The following PPP1R12B variants were observed in gnomAD, a reference collection of about 807,000 sequenced individuals.
The protein encoded by PPP1R12B is myosin phosphatase target subunit 2.
PPP1R12B carries 76 observed loss-of-function variants against 126.1 expected under a neutral mutation model. That is an observed-to-expected ratio of 0.60 (90% CI 0.50 to 0.73). The LOEUF is 0.73. Ranked by LOEUF, PPP1R12B falls within the 30% of genes least tolerant of loss-of-function variation. PPP1R12B has a pLI of 0.00. For synonymous variants in PPP1R12B, 356 were observed against 434.7 expected, an observed-to-expected ratio of 0.82 and a Z score of 2.25; for missense variants, 1,052 against 1,205.1, an observed-to-expected ratio of 0.87 and a Z score of 1.88.
At chr1:202,389,806 A>G (rs1394555224) in intron 1 of PPP1R12B, among the ~76,000 whole-genome samples, 1 of 150,294 alleles carries the variant, frequency 6.7e-6, no homozygotes. Context: ...GCACGCTTGC[A>G]GTCCCAGCTA....
chr1:202,354,985 G>A (rs1051178969), intron 1 of PPP1R12B, among the ~76,000 whole-genome samples: 9 of 151,912 alleles, frequency 5.9e-5, no homozygotes, highest in African/African-American at 4.8e-5. Flanking sequence ...GCCACCATGC[G>A]CAGCTAATTT....
Position 202,431,486 on chromosome 1 carries a change from G to C in PPP1R12B, c.1008G>C (p.Glu336Asp). ...GTTGTCATCTTTAATTTAGCAAAGA[G>C]AAGATGCTCTATGAGGAGGAGACAC... Reference protein sequence around the residue: ...KIQSGFFKNKEKMLYEEETPK... With the variant: ...KIQSGFFKNKDKMLYEEETPK... Residue 336 changes from glutamate (E) to aspartate (D), a missense_variant, in exon 8 of 24, where the codon GAG (glutamate) becomes GAC (aspartate). Coordinates refer to ENST00000608999, the MANE Select transcript of PPP1R12B (RefSeq NM_002481.4). 15 of 1,593,222 alleles carry C rather than the reference G, an allele frequency of 9.4e-6. No homozygotes were observed. Among genetic ancestry groups the C allele is most frequent in the African/African-American group, 1.4e-5 (1 of 73,386 alleles).
intron 1 of PPP1R12B, among the ~76,000 whole-genome samples, chr1:202,354,407 CA>C (rs1033369414): frequency 3.3e-5 from 5 of 152,038 alleles, no homozygotes; most frequent in African/African-American, 1.2e-4. Flanking sequence ...CTTGTCTTTA[CA>C]AAAAAATAAA....
intron 1 of PPP1R12B, among the ~76,000 whole-genome samples, chr1:202,372,719 A>G (rs1192626699): frequency 6.6e-6 from 1 of 151,570 alleles, no homozygotes; most frequent in Admixed American, 6.6e-5. Context: ...TCTATAGTGA[A>G]CTGTGATTGT....
intron 13 of PPP1R12B, among the ~76,000 whole-genome samples, chr1:202,467,686 G>A (rs1675230228): frequency 6.6e-6 from 1 of 152,194 alleles, no homozygotes; most frequent in Admixed American, 6.5e-5. Context: ...ATAAACATAT[G>A]TGTGCATGTG....
chr1:202,578,431 G>T (rs1689288476), intron 23 of PPP1R12B, among the ~76,000 whole-genome samples: 1 of 152,172 alleles, frequency 6.6e-6, no homozygotes, highest in Non-Finnish European at 1.5e-5. Context: ...GCCACCCTGG[G>T]TTTTTTCTAA....
intron 18 of PPP1R12B, among the ~76,000 whole-genome samples, chr1:202,532,791 T>A (rs1292778198): frequency 6.6e-6 from 1 of 151,832 alleles, no homozygotes; most frequent in Non-Finnish European, 1.5e-5. Context: ...TTTTAAACAC[T>A]GTTAAACTTA....
Position 202,495,299 on chromosome 1 carries a change from T to G in PPP1R12B, c.2152T>G (p.Cys718Gly). The part of the protein sequence containing the change: ...WGRSLDEEPI[C>G]HRLRCPAQPD... ...TATTGTGGATTATTTCCAGCCTATC[T>G]GTCATCGCCTGAGGTGCCCAGCTCA... Residue 718 changes from cysteine (C) to glycine (G), a missense_variant, in exon 16 of 24, where the codon TGT (cysteine) becomes GGT (glycine). Coordinates refer to ENST00000608999, the MANE Select transcript of PPP1R12B (RefSeq NM_002481.4). 2.6e-6 allele frequency: 4 copies of G among 1,552,124 alleles called. No individual in the cohort carries two copies. Among genetic ancestry groups the G allele is most frequent in the Non-Finnish European group, 3.5e-6 (4 of 1,153,942 alleles).
At chr1:202,580,005 C>T (rs1689444097) in intron 23 of PPP1R12B, among the ~76,000 whole-genome samples, 1 of 152,198 alleles carries the variant, frequency 6.6e-6, no homozygotes, top group South Asian at 2.1e-4. Context: ...GGCCTTTGCT[C>T]TTGTTTTTGA....
At chr1:202,376,429 G>A (rs781768527) in intron 1 of PPP1R12B, among the ~76,000 whole-genome samples, 22 of 152,148 alleles carry the variant, frequency 1.4e-4, no homozygotes, top group South Asian at 4.1e-4. Flanking sequence ...TAAGTGCCTT[G>A]GATGTTGAAA....
intron 15 of PPP1R12B, among the ~76,000 whole-genome samples, chr1:202,495,045 C>T (rs1679365074): frequency 6.7e-6 from 1 of 149,842 alleles, no homozygotes; most frequent in Non-Finnish European, 1.5e-5. Context: ...GAATAATTTG[C>T]TTGAACTGCT....
At position 202,449,014 on chromosome 1, in the gene PPP1R12B, A is replaced by C; in HGVS notation, c.1693A>C (p.Thr565Pro). 1 of 1,613,934 alleles carries C rather than the reference A, an allele frequency of 6.2e-7. No individual in the cohort carries two copies. Among genetic ancestry groups the C allele is most frequent in the African/African-American group, 1.3e-5 (1 of 75,030 alleles). The change falls in exon 13 of 24, where the codon ACA becomes CCA. Residue 565 changes from threonine to proline, a missense_variant. Physicochemically the swap from Thr to Pro is conservative, Grantham distance 38. Transcript: ENST00000608999. ...KRTPHKSQAD[T>P]TAEKTADNVS... ...GACTCCTCACAAATCCCAGGCCGACACAACAGCAGAGAAAACAGCAGACAA... is the reference window on the plus strand; with the variant it reads ...GACTCCTCACAAATCCCAGGCCGACCCAACAGCAGAGAAAACAGCAGACAA...
intron 13 of PPP1R12B, among the ~76,000 whole-genome samples, chr1:202,482,500 T>C (rs1291992747): frequency 2.0e-5 from 3 of 152,244 alleles, no homozygotes; most frequent in Admixed American, 6.5e-5. Flanking sequence ...ATGTTGACCA[T>C]TTTTTCATAT....
chr1:202,399,450 T>A (rs1665485322), intron 1 of PPP1R12B, among the ~76,000 whole-genome samples: 1 of 151,882 alleles, frequency 6.6e-6, no homozygotes, highest in African/African-American at 2.4e-5. Flanking sequence ...CAAACAATCC[T>A]CCCTCCTTAC....
intron 13 of PPP1R12B, chr1:202,471,743 G>T: frequency 1.6e-6 from 1 of 609,056 alleles, no homozygotes; most frequent in Non-Finnish European, 2.7e-6. Flanking sequence ...TATGTATTTT[G>T]TTGATTTTGT....
chr1:202,356,390 G>A (rs1657105259), intron 1 of PPP1R12B, among the ~76,000 whole-genome samples: 1 of 152,082 alleles, frequency 6.6e-6, no homozygotes, highest in Non-Finnish European at 1.5e-5. Flanking sequence ...GCAGCTGGTA[G>A]GCAGAGAATG....
At position 202,383,966 on chromosome 1, in the gene PPP1R12B, A is replaced by C. The variant is rs543647340; in HGVS notation, c.292-32821A>C. Among the ~76,000 whole-genome samples the C allele has an allele frequency of 3.5e-4, 54 of 152,314 alleles. 1 individual carries two copies. In the South Asian group the frequency reaches 9.9e-3, roughly 28 times the overall value. On this transcript the variant is annotated intron_variant, in intron 1 of 23. Transcript: ENST00000608999. ...CTTTTCTTTTGTTTGCCTTTGATAC[A>C]TAATGTTGAAATAAAAATCCAAACC...
Position 202,349,023 on chromosome 1 carries a change from G to A in PPP1R12B, c.172G>A (p.Asp58Asn). Residue 58 changes from aspartate to asparagine, a missense_variant, in exon 1 of 24, where the codon GAC (aspartate) becomes AAC (asparagine). Physicochemically the swap from Asp to Asn is conservative, Grantham distance 23 (BLOSUM62 1). Transcript: ENST00000608999. Reference protein sequence around the residue: ...RRGSPRVRFEDGAVFLAACSS... With the variant: ...RRGSPRVRFENGAVFLAACSS... Reference sequence around the variant, plus strand: ...CGGGAGCCCCAGGGTCCGCTTCGAGGACGGTGCTGTCTTTCTGGCCGCCTG... The same window carrying A: ...CGGGAGCCCCAGGGTCCGCTTCGAGAACGGTGCTGTCTTTCTGGCCGCCTG... The A allele has an allele frequency of 1.2e-6, 2 of 1,612,262 alleles. No individual in the cohort carries two copies. Among genetic ancestry groups the A allele is most frequent in the Middle Eastern group, 1.7e-4 (1 of 6,058 alleles).
chr1:202,464,248 T>C (rs1208206555), intron 13 of PPP1R12B, among the ~76,000 whole-genome samples: 1 of 152,182 alleles, frequency 6.6e-6, no homozygotes, highest in African/African-American at 2.4e-5. Context: ...TTAGGGTGCT[T>C]TTAATTGGGT....
Sources: allele counts gnomAD v4.1 joint callset (sites outside exome capture counted in the v4.1 genomes callset), GRCh38; gene constraint gnomAD v4.1.1; transcripts MANE v1.5; gene names NCBI Gene and HGNC (gene_info 2026-07-23, HGNC 2026-07-21).